The following ECT2L variants were observed in gnomAD, a reference collection of about 807,000 sequenced individuals.
ECT2L encodes the protein epithelial cell transforming 2 like, also known as epithelial cell-transforming sequence 2 oncogene-like.
Under a neutral mutation model 122.8 loss-of-function variants are expected in ECT2L, and 126 were observed. The observed-to-expected ratio is 1.03, with a 90% CI of 0.89 to 1.19. The LOEUF is 1.19. Ranked by LOEUF, ECT2L falls within the 50% of genes most tolerant of loss-of-function variation. The pLI is 0.00. For missense variants in ECT2L, 1,012 were observed against 1,064.1 expected, an observed-to-expected ratio of 0.95 and a Z score of 0.68; for synonymous variants, 385 against 381.8, an observed-to-expected ratio of 1.01 and a Z score of -0.10.
chr6:138,815,094 C>A (rs1001663961), intron 4 of ECT2L, among the ~76,000 whole-genome samples: 1 of 152,146 alleles, frequency 6.6e-6, no homozygotes, highest in Non-Finnish European at 1.5e-5. Context: ...CCCCTTCCCT[C>A]ATGTTATGTC....
Position 138,885,761 on chromosome 6 carries a change from G to A in ECT2L, c.2190G>A (p.Glu730=), listed in dbSNP as rs376161458. Residue 730 remains glutamate, a synonymous_variant, in exon 18 of 22, where the codon GAG becomes GAA. Transcript: ENST00000541398. ...CTGTCAGGCTTCATACCCCTGCAGA[G>A]CATGTTGACCGTGGGGACTTGACCA... ...LYAVRLHTPA[E]HVDRGDLTTA... 12 of 1,614,062 alleles carry A rather than the reference G, an allele frequency of 7.4e-6. No homozygotes were observed. In the African/African-American group the frequency reaches 1.6e-4, roughly 22 times the overall value.
intron 20 of ECT2L, among the ~76,000 whole-genome samples, chr6:138,894,950 T>C (rs998172343): frequency 6.6e-6 from 1 of 152,166 alleles, no homozygotes; most frequent in Non-Finnish European, 1.5e-5. Flanking sequence ...TAAATTTAAA[T>C]GTAATTTCAA....
chr6:138,873,699 C>G (rs865850977), intron 13 of ECT2L, among the ~76,000 whole-genome samples: 42 of 152,260 alleles, frequency 2.8e-4, no homozygotes, highest in African/African-American at 9.6e-4. Context: ...GAGTCTGAGG[C>G]AGGAGAATCC....
rs1776918029 is a variant in ECT2L at position 138,838,366 on chromosome 6, G to T, written c.194G>T (p.Trp65Leu). The change falls in exon 5 of 22, where the codon TGG (tryptophan) becomes TTG (leucine). Residue 65 changes from tryptophan to leucine, a missense_variant. By Grantham distance (61) the Trp-to-Leu change is moderately conservative. Coordinates refer to ENST00000541398, the MANE Select transcript of ECT2L (RefSeq NM_001077706.3). ...TTTCTTTTTAGGTTTGTCCAAGACT[G>T]GTTTTCAGAAAGGATGCAAGTGGCC... is the stretch of plus-strand genomic sequence containing the variant. ...TKSQLRFVQDWFSERMQVAKV... is the reference protein window; with the variant it reads ...TKSQLRFVQDLFSERMQVAKV... 1 of 1,603,414 alleles carries T rather than the reference G, an allele frequency of 6.2e-7. No individual in the cohort carries two copies. Among genetic ancestry groups the T allele is most frequent in the Non-Finnish European group, 8.5e-7 (1 of 1,176,518 alleles).
intron 4 of ECT2L, among the ~76,000 whole-genome samples, chr6:138,822,013 TAAG>T (rs1415074803): frequency 1.3e-5 from 2 of 152,376 alleles, no homozygotes; most frequent in Middle Eastern, 3.4e-3. Flanking sequence ...TCCAGAACCG[TAAG>T]AAGATCAGTC....
chr6:138,804,882 C>T (rs976293933), intron 1 of ECT2L, among the ~76,000 whole-genome samples: 1 of 152,144 alleles, frequency 6.6e-6, no homozygotes, highest in Non-Finnish European at 1.5e-5. Context: ...TAGAAAAACA[C>T]GCAGATCATG....
chr6:138,813,933 G>A (rs940933603), intron 3 of ECT2L, among the ~76,000 whole-genome samples: 1 of 152,114 alleles, frequency 6.6e-6, no homozygotes, highest in Non-Finnish European at 1.5e-5. Context: ...TCTGAGCAAA[G>A]CTGGACCGAA....
chr6:138,867,963 G>A (rs1778106068), intron 12 of ECT2L, 140 bp from the exon 13 acceptor site: 3 of 559,898 alleles, frequency 5.4e-6, no homozygotes, highest in Non-Finnish European at 8.5e-6. Context: ...TTTTGCCACA[G>A]CACCCCAGCC....
At chr6:138,885,418 G>A in intron 16 of ECT2L, 88 bp from the exon 17 acceptor site, 1 of 1,319,912 alleles carries the variant, frequency 7.6e-7, no homozygotes, top group East Asian at 2.3e-5. Flanking sequence ...TTTTGCTTCA[G>A]GCATTCCATA....
At chr6:138,819,550 C>T (rs1206699742) in intron 4 of ECT2L, among the ~76,000 whole-genome samples, 4 of 152,032 alleles carry the variant, frequency 2.6e-5, no homozygotes, top group Non-Finnish European at 4.4e-5. Context: ...CTCTTTTCAT[C>T]TCTAGCACTT....
rs1779383482 is a variant in ECT2L at position 138,901,123 on chromosome 6, A to G, written c.2587+3A>G. 1 of 1,613,514 alleles carries G rather than the reference A, an allele frequency of 6.2e-7. No homozygotes were observed. Among genetic ancestry groups the G allele is most frequent in the Non-Finnish European group, 8.5e-7 (1 of 1,179,660 alleles). ...AGAAAATATTCCAGATTCCAAGTGT[A>G]TGTATTCTTTTCCTTCCAAGAGACA... On this transcript the variant is annotated splice_donor_region_variant and intron_variant, in intron 21 of 21. Coordinates refer to ENST00000541398, the MANE Select transcript of ECT2L (RefSeq NM_001077706.3).
intron 4 of ECT2L, among the ~76,000 whole-genome samples, chr6:138,827,031 A>T (rs1776475444): frequency 6.6e-6 from 1 of 152,138 alleles, no homozygotes; most frequent in Non-Finnish European, 1.5e-5. Context: ...ACCATAAGCC[A>T]ATTAAACCTC....
At chr6:138,897,964 T>C (rs991702411) in intron 20 of ECT2L, among the ~76,000 whole-genome samples, 3 of 152,224 alleles carry the variant, frequency 2.0e-5, no homozygotes, top group Admixed American at 1.3e-4. Context: ...TGTTGGCATA[T>C]TTCCTGATAA....
intron 16 of ECT2L, among the ~76,000 whole-genome samples, chr6:138,885,053 G>C (rs537180334): frequency 1.2e-3 from 147 of 127,090 alleles, no homozygotes; most frequent in African/African-American, 4.2e-3. Flanking sequence ...TTTTGAGATG[G>C]AGTCTCGCTC....
intron 20 of ECT2L, among the ~76,000 whole-genome samples, chr6:138,890,450 T>A (rs983678973): frequency 6.6e-6 from 1 of 150,574 alleles, no homozygotes; most frequent in Non-Finnish European, 1.5e-5. Flanking sequence ...TCACACAATA[T>A]GTCACTTTTC....
intron 5 of ECT2L, among the ~76,000 whole-genome samples, chr6:138,841,639 C>A (rs1777043366): frequency 6.6e-6 from 1 of 152,198 alleles, no homozygotes; most frequent in African/African-American, 2.4e-5. Context: ...TCATAACTTT[C>A]TGTTCTGCTT....
In ECT2L at chr6:138,846,624, T is replaced by C. The variant is rs1278384165; in HGVS notation, c.850T>C (p.Tyr284His). The change falls in exon 8 of 22, where the codon TAT (tyrosine) becomes CAT (histidine). Residue 284 changes from tyrosine (Y) to histidine (H), a missense_variant. By Grantham distance (83) the Tyr-to-His change is moderately conservative. Coordinates refer to ENST00000541398, the MANE Select transcript of ECT2L (RefSeq NM_001077706.3). ...GVHKNDDRSS[Y>H]ALRPHFMLIS... ...TCATAAAAATGATGACAGATCTTCA[T>C]ATGCTCTCCGGCCACACTTCATGTT... 16 of 1,611,216 alleles carry C rather than the reference T, an allele frequency of 9.9e-6. No individual in the cohort carries two copies. Among genetic ancestry groups the C allele is most frequent in the Non-Finnish European group, 1.4e-5 (16 of 1,178,974 alleles).
chr6:138,883,582 G>A (rs1778713284), intron 16 of ECT2L, among the ~76,000 whole-genome samples: 1 of 152,206 alleles, frequency 6.6e-6, no homozygotes, highest in South Asian at 2.1e-4. Flanking sequence ...TGTGGGCTGG[G>A]AGGCCTCTGG....
intron 18 of ECT2L, among the ~76,000 whole-genome samples, chr6:138,886,589 T>A (rs564505587): frequency 4.1e-4 from 63 of 152,038 alleles, no homozygotes; most frequent in African/African-American, 1.2e-3. Context: ...TTGGCTTTTT[T>A]AAAATGTGTG....
Sources: gnomAD v4.1 joint callset for allele counts (sites outside exome capture counted in the v4.1 genomes callset) on GRCh38, gnomAD v4.1.1 for gene constraint, MANE v1.5 for transcripts, NCBI Gene and HGNC (gene_info 2026-07-23, HGNC 2026-07-21) for gene names.